Variants in GLIS2 observed in about 807,000 individuals in gnomAD.
GLIS2 encodes zinc finger protein GLIS2.
GLIS2 carries 14 observed loss-of-function variants against 35.6 expected under a neutral mutation model. The ratio of observed to expected loss-of-function variants is 0.39; its 90% CI spans 0.26 to 0.61. GLIS2 has a LOEUF of 0.61. GLIS2 is among the 20% of genes least tolerant of loss of function. The pLI is 0.48. For missense variants in GLIS2, 675 were observed against 713.4 expected (o/e 0.95, Z 0.61); for synonymous variants, 368 against 325.1 (o/e 1.13, Z -1.42).
intron 1 of GLIS2, among the ~76,000 whole-genome samples, chr16:4,316,911 G>A (rs1002775807): frequency 2.0e-5 from 3 of 152,316 alleles, no homozygotes; most frequent in Admixed American, 2.0e-4. Flanking sequence ...CGGAGGGCGG[G>A]TCTGGAGCGG....
chr16:4,331,422 C>T (rs1449843671), intron 1 of GLIS2: 3 of 152,270 alleles, frequency 2.0e-5, no homozygotes, highest in African/African-American at 7.2e-5. Flanking sequence ...AGAAACTATG[C>T]TAATGACTGG....
intron 1 of GLIS2, among the ~76,000 whole-genome samples, chr16:4,323,143 C>CT (rs1305679776): frequency 6.6e-6 from 1 of 152,194 alleles, no homozygotes; most frequent in Admixed American, 6.5e-5. Context: ...TCAGATAGCT[C>CT]TGGCTGGGTC....
At chr16:4,326,809 GGAGT>G (rs1292740076) in intron 1 of GLIS2, among the ~76,000 whole-genome samples, 2 of 150,714 alleles carry the variant, frequency 1.3e-5, no homozygotes, top group Non-Finnish European at 3.0e-5. Flanking sequence ...CGCCCAGGCT[GGAGT>G]GCAGTGGCGC....
At chr16:4,327,939 G>A (rs976042285) in intron 1 of GLIS2, among the ~76,000 whole-genome samples, 6 of 152,104 alleles carry the variant, frequency 3.9e-5, no homozygotes, top group Non-Finnish European at 5.9e-5. Flanking sequence ...GCGTGTGGGG[G>A]CGCTGCCCTG....
In GLIS2 at chr16:4,335,579, A is replaced by AC. The variant is rs760889678; in HGVS notation, c.775+191dup. On this transcript the variant is annotated intron_variant, in intron 6 of 6. Coordinates refer to ENST00000433375, the MANE Select transcript of GLIS2 (RefSeq NM_032575.3). The surrounding 1 kb of genome is among the most constrained non-coding windows in gnomAD (Gnocchi z 4.6). ...AGGGGAAGCATCCCCTGGGGGTCAG[A>AC]CCCCCACCCAGCACCTGCTCTTGGA... 2.6e-5 allele frequency among the ~76,000 whole-genome samples: 4 copies of AC among 151,910 alleles called. No homozygotes were observed. The highest frequency in any genetic ancestry group is 5.9e-5 in the Non-Finnish European group (4 of 67,976).
chr16:4,332,550 C>T lies in GLIS2; in HGVS notation c.172+98C>T. On this transcript the variant is annotated intron_variant, in intron 2 of 6. Coordinates refer to ENST00000433375, the MANE Select transcript of GLIS2 (RefSeq NM_032575.3). The surrounding 1 kb of genome is among the most constrained non-coding windows in gnomAD (Gnocchi z 5.4). ...GTCCACCAGCATGTAGCTGCAGCCCCTCTCGGCTTCCGGTTCATGGGAAGC... is the reference window on the plus strand; with the variant it reads ...GTCCACCAGCATGTAGCTGCAGCCCTTCTCGGCTTCCGGTTCATGGGAAGC... The T allele has an allele frequency of 7.1e-7, 1 of 1,403,630 alleles. No individual in the cohort carries two copies. 86.9% of individuals were successfully genotyped at this position (1,403,630 alleles called of 1,614,324 possible).
At position 4,337,487 on chromosome 16, in the gene GLIS2, C is replaced by T. The variant is rs868318727; in HGVS notation, c.1538C>T (p.Pro513Leu). ...ALAPGWVVIP[P>L]GSVLLKPAVV... The stretch of plus-strand genomic sequence containing the variant: ...GCCCCTGGCTGGGTGGTCATCCCGC[C>T]GGGCTCGGTGCTGCTCAAACCGGCT... Residue 513 changes from proline to leucine, a missense_variant, in exon 7 of 7, where the codon CCG becomes CTG. Around this residue, in one of 3 missense-constraint regions of GLIS2, gnomAD observed 317 missense variants for 283.2 expected, o/e 1.12. Coordinates refer to ENST00000433375, the MANE Select transcript of GLIS2 (RefSeq NM_032575.3). 4.8e-5 allele frequency: 75 copies of T among 1,569,170 alleles called. No homozygotes were observed. Among genetic ancestry groups the T allele is most frequent in the Non-Finnish European group, 6.1e-5 (71 of 1,162,066 alleles).
intron 1 of GLIS2, among the ~76,000 whole-genome samples, chr16:4,329,350 C>T (rs981533493): frequency 1.3e-5 from 2 of 152,188 alleles, no homozygotes; most frequent in African/African-American, 4.8e-5. Context: ...AGCCCCTGGC[C>T]CATGCATGGC....
At chr16:4,333,660 C>A (rs2141131621) in intron 3 of GLIS2, 141 bp downstream of exon 3, 3 of 990,774 alleles carry the variant, frequency 3.0e-6, no homozygotes, top group East Asian at 2.6e-5. Flanking sequence ...ACCTGGAAGG[C>A]TCTAGGGGAG....
At chr16:4,315,727 C>T (rs2053301777), upstream of GLIS2, among the ~76,000 whole-genome samples, 2 of 150,608 alleles carry the variant, frequency 1.3e-5, no homozygotes, top group African/African-American at 4.9e-5. Flanking sequence ...CGCCCCACTT[C>T]CCTCCCTCAC....
upstream of GLIS2, chr16:4,315,216 C>A (rs935643342): frequency 2.0e-5 from 3 of 152,216 alleles, no homozygotes; most frequent in Non-Finnish European, 4.4e-5. Context: ...GTTATTCTAC[C>A]GTGAGGGAAA....
intron 6 of GLIS2, 199 bp from the exon 7 acceptor site, chr16:4,336,526 A>G: frequency 4.5e-6 from 3 of 668,580 alleles, no homozygotes; most frequent in South Asian, 3.3e-5. Flanking sequence ...AGCTGGAGTC[A>G]ACCAGGCTGA....
intron 1 of GLIS2, among the ~76,000 whole-genome samples, chr16:4,318,287 C>T (rs535549096): frequency 9.8e-5 from 15 of 152,288 alleles, no homozygotes; most frequent in Admixed American, 3.3e-4. Context: ...TCCCCTCTCC[C>T]GGCCTTGTCT....
intron 1 of GLIS2, among the ~76,000 whole-genome samples, chr16:4,323,294 C>T (rs2053396685): frequency 6.6e-6 from 1 of 152,220 alleles, no homozygotes; most frequent in African/African-American, 2.4e-5. Flanking sequence ...GGTCCCCTCC[C>T]CTCCCAGCCC....
Position 4,335,449 on chromosome 16 carries a change from G to A in GLIS2, c.775+56G>A, listed in dbSNP as rs532273249. The A allele has an allele frequency of 2.4e-5, 36 of 1,480,220 alleles. No individual in the cohort carries two copies. Among genetic ancestry groups the A allele is most frequent in the East Asian group, 6.8e-5 (3 of 44,206 alleles). The allele number at this position is 1,480,220 out of a possible 1,614,324, so 91.7% of individuals were successfully genotyped here. ...ATGAAGGGGGCGCTCAGCTGAGACC[G>A]GCTGGGCAGGTCCCCAGGGGGAGGG... On this transcript the variant is annotated intron_variant, in intron 6 of 6. Transcript: ENST00000433375. The surrounding 1 kb of genome is among the most constrained non-coding windows in gnomAD (Gnocchi z 4.6).
At position 4,332,994 on chromosome 16, in the gene GLIS2, G is replaced by C. The variant is rs1029954265; in HGVS notation, c.173-353G>C. 6.6e-6 allele frequency among the ~76,000 whole-genome samples: 1 copy of C among 152,162 alleles called. No individual in the cohort carries two copies. Among genetic ancestry groups the C allele is most frequent in the African/African-American group, 2.4e-5 (1 of 41,442 alleles). ...AGAAGGGAACACTGAGGCAGGAAGG[G>C]GCCTGGGAAAAGCTAGAAAGGTTCC... is the stretch of plus-strand genomic sequence containing the variant. On this transcript the variant is annotated intron_variant, in intron 2 of 6. Transcript: ENST00000433375. The surrounding 1 kb of genome is among the most constrained non-coding windows in gnomAD (Gnocchi z 5.4).
chr16:4,327,662 C>A (rs1040410968), intron 1 of GLIS2, among the ~76,000 whole-genome samples: 1 of 151,480 alleles, frequency 6.6e-6, no homozygotes, highest in Non-Finnish European at 1.5e-5. Flanking sequence ...GCCAGGGTGG[C>A]GGGGGGCCCG....
At chr16:4,329,178 A>T (rs1377528125) in intron 1 of GLIS2, 1 of 152,224 alleles carries the variant, frequency 6.6e-6, no homozygotes, top group Non-Finnish European at 1.5e-5. Context: ...AGGTAGCAGG[A>T]CGATAGACAC....
chr16:4,337,971 G>C lies in GLIS2; in HGVS notation c.*447G>C, dbSNP rs986334367. 7 of 307,194 alleles carry C rather than the reference G, an allele frequency of 2.3e-5. No homozygotes were observed. The East Asian group carries it at 5.9e-4, about 26-fold the overall frequency. 19.0% of individuals were successfully genotyped at this position (307,194 alleles called of 1,614,324 possible). A position where few individuals can be genotyped will look rare whatever the true frequency, so the allele number is the denominator to read the frequency against. On this transcript the variant is annotated 3_prime_UTR_variant, in exon 7 of 7. Transcript: ENST00000433375. ...CTGAGAGGAGCCCCCAGGGACCAGA[G>C]GCCTGCCCTTCCCTCCTAGGCTTAC... is the stretch of plus-strand genomic sequence containing the variant.
Sources: allele counts gnomAD v4.1 joint callset (sites outside exome capture counted in the v4.1 genomes callset), GRCh38; gene constraint gnomAD v4.1.1; regional missense constraint gnomAD v4.1.1; non-coding constraint Gnocchi (gnomAD v3.1); transcripts MANE v1.5; gene names NCBI Gene and HGNC (gene_info 2026-07-23, HGNC 2026-07-21).